Variants in ANO4 observed in about 807,000 individuals in gnomAD.
ANO4 encodes the protein anoctamin 4.
In ANO4, 69 loss-of-function variants were observed where a neutral mutation model predicts 141.9. The observed-to-expected ratio is 0.49, with a 90% CI of 0.40 to 0.59. ANO4 has a LOEUF of 0.59. Ranked by LOEUF, ANO4 falls within the 20% of genes least tolerant of loss-of-function variation. The pLI, the probability that ANO4 is intolerant of heterozygous loss-of-function variation, is 0.00. For missense variants in ANO4, 894 were observed against 1,162.2 expected (o/e 0.77, Z 3.36); for synonymous variants, 350 against 394.3 (o/e 0.89, Z 1.33).
chr12:101,032,942 A>C (rs892743867), intron 9 of ANO4, among the ~76,000 whole-genome samples: 15 of 152,014 alleles, frequency 9.9e-5, no homozygotes, highest in African/African-American at 3.6e-4. Context: ...TAGAAATACC[A>C]TTTGACCCAG....
rs973321827 is a variant in ANO4, at chr12:100,896,712, A to G, written c.-140-4934A>G. Among the ~76,000 whole-genome samples the G allele has an allele frequency of 5.9e-5, 9 of 152,338 alleles. 1 individual carries two copies. Among genetic ancestry groups the G allele is most frequent in the Admixed American group, 1.3e-4 (2 of 15,304 alleles). ...AAAAAAGTAAGGGGAGGTAGCAAGA[A>G]GCTTAAGTGTCATGAAAACGAAAGC... On this transcript the variant is annotated intron_variant, in intron 1 of 27. Transcript: ENST00000392977.
chr12:100,730,086 C>A (rs1484993126), intron 1 of ANO4, among the ~76,000 whole-genome samples: 2 of 152,100 alleles, frequency 1.3e-5, no homozygotes, highest in South Asian at 2.1e-4. Context: ...ATTGACCTGT[C>A]CTATGAAAGT....
intron 3 of ANO4, among the ~76,000 whole-genome samples, chr12:100,758,302 G>A (rs577435356): frequency 1.3e-5 from 2 of 152,312 alleles, no homozygotes; most frequent in South Asian, 4.1e-4. Context: ...TGTAATGCTT[G>A]CCATGTGACT....
upstream of ANO4, chr12:100,717,416 C>T (rs2030647176): frequency 2.6e-6 from 1 of 381,720 alleles, no homozygotes; most frequent in South Asian, 1.3e-4. Context: ...CGCCCGGGCG[C>T]CGCTAGAGCC....
rs1361548750 is a variant in ANO4, at chr12:101,080,881, T to A, written c.1395+1606T>A. 5.6e-5 allele frequency among the ~76,000 whole-genome samples: 5 copies of A among 89,086 alleles called. No individual in the cohort carries two copies. In the East Asian group the frequency reaches 3.6e-3, roughly 63 times the overall value. 58.4% of individuals were successfully genotyped at this position (89,086 alleles called of 152,430 possible). A position where few individuals can be genotyped will look rare whatever the true frequency, so the allele number is the denominator to read the frequency against. On this transcript the variant is annotated intron_variant, in intron 15 of 27. Transcript: ENST00000392977. ...TAGGTTCTAGATATATATATATATATATTATATATATATATATATACATAC... is the reference window on the plus strand; with the variant it reads ...TAGGTTCTAGATATATATATATATAAATTATATATATATATATATACATAC...
intron 2 of ANO4, among the ~76,000 whole-genome samples, chr12:100,919,498 G>C (rs1184252707): frequency 6.6e-6 from 1 of 152,126 alleles, no homozygotes; most frequent in East Asian, 1.9e-4. Flanking sequence ...GTACAGGTTT[G>C]TAGCTTAGGA....
chr12:101,044,042 G>A (rs2047525471), intron 13 of ANO4, among the ~76,000 whole-genome samples: 1 of 152,168 alleles, frequency 6.6e-6, no homozygotes, highest in Admixed American at 6.5e-5. Flanking sequence ...TGAGCATAGT[G>A]CTTGGTAAAT....
intron 11 of ANO4, 101 bp from the exon 12 acceptor site, chr12:101,042,233 C>T: frequency 6.9e-7 from 1 of 1,455,524 alleles, no homozygotes; most frequent in South Asian, 1.3e-5. Context: ...TTGCAGTTTA[C>T]CTCGTAAGGC....
intron 3 of ANO4, among the ~76,000 whole-genome samples, chr12:100,789,358 T>C (rs2033969857): frequency 6.6e-6 from 1 of 152,184 alleles, no homozygotes; most frequent in African/African-American, 2.4e-5. Context: ...ATGACATAAG[T>C]GCTGAGTCAC....
chr12:101,074,944 A>G lies in ANO4; in HGVS notation c.1313-4249A>G, dbSNP rs1404492697. Among the ~76,000 whole-genome samples the G allele has an allele frequency of 2.6e-5, 4 of 152,208 alleles. No individual in the cohort carries two copies. In the East Asian group the frequency reaches 7.7e-4, roughly 29 times the overall value. ...GACTCTGAAGGTATAAAGACAACTA[A>G]GATACAGCTCTGCTCTCAAGAAGTC... is the stretch of plus-strand genomic sequence containing the variant. On this transcript the variant is annotated intron_variant, in intron 14 of 27. Coordinates refer to ENST00000392977, the MANE Select transcript of ANO4 (RefSeq NM_001286615.2).
At chr12:100,794,719 G>C (rs868808512), upstream of ANO4, 2 of 152,212 alleles carry the variant, frequency 1.3e-5, no homozygotes, top group Admixed American at 6.5e-5. Context: ...CACCTGGGGA[G>C]GGGGAGGACC....
intron 8 of ANO4, among the ~76,000 whole-genome samples, chr12:100,995,637 A>C (rs551237920): frequency 3.3e-5 from 5 of 152,360 alleles, no homozygotes; most frequent in Admixed American, 6.5e-5. Flanking sequence ...TGTGTTGTAC[A>C]CAAAATGTTT....
intron 25 of ANO4, 89 bp downstream of exon 25, chr12:101,116,887 G>A (rs2050877302): frequency 3.8e-6 from 6 of 1,562,322 alleles, no homozygotes; most frequent in Non-Finnish European, 5.3e-6. Flanking sequence ...CTGGCTGAGT[G>A]TGTTTAAAGC....
In ANO4 at chr12:101,099,870, G is replaced by T. The variant is rs547195451; in HGVS notation, c.2149+150G>T. 122 of 543,266 alleles carry T rather than the reference G, an allele frequency of 2.2e-4. No homozygotes were observed. In the Middle Eastern group the frequency reaches 2.6e-3, roughly 12 times the overall value. The allele number at this position is 543,266 out of a possible 1,614,324, so 33.7% of individuals were successfully genotyped here. On this transcript the variant is annotated intron_variant, in intron 22 of 27. Transcript: ENST00000392977. ...GGAAGGCATGTCCTGCTTAAACTGT[G>T]CTACACTTACATTTAAGGAATCAGA...
intron 15 of ANO4, among the ~76,000 whole-genome samples, chr12:101,082,531 C>G (rs1405496830): frequency 6.6e-6 from 1 of 152,180 alleles, no homozygotes; most frequent in African/African-American, 2.4e-5. Flanking sequence ...GCAGAAGATT[C>G]TAGGTCTGCT....
intron 3 of ANO4, among the ~76,000 whole-genome samples, chr12:100,756,892 C>T (rs2032637392): frequency 6.6e-6 from 1 of 152,172 alleles, no homozygotes; most frequent in Non-Finnish European, 1.5e-5. Context: ...CCCTATTTCA[C>T]CTGCAATCTG....
At chr12:101,053,005 A>G (rs960771347) in intron 14 of ANO4, among the ~76,000 whole-genome samples, 8 of 152,240 alleles carry the variant, frequency 5.3e-5, no homozygotes, top group Admixed American at 5.2e-4. Flanking sequence ...TGTGTCCACC[A>G]TGTTGTGCAT....
chr12:101,118,589 A>C (rs1215799042), intron 25 of ANO4, among the ~76,000 whole-genome samples: 1 of 152,234 alleles, frequency 6.6e-6, no homozygotes, highest in Non-Finnish European at 1.5e-5. Flanking sequence ...ACCTTCTCAA[A>C]TACATTAATG....
chr12:100,991,513 T>TAAAAA lies in ANO4; in HGVS notation c.734+3860_734+3864dup, dbSNP rs59975425. Among the ~76,000 whole-genome samples, 133 of 111,136 alleles carry TAAAAA rather than the reference T, an allele frequency of 1.2e-3. 1 individual carries two copies. Among genetic ancestry groups the TAAAAA allele is most frequent in the South Asian group, 4.9e-3 (15 of 3,072 alleles). The allele number at this position is 111,136 out of a possible 152,430, so 72.9% of individuals were successfully genotyped here. A position where few individuals can be genotyped will look rare whatever the true frequency, so the allele number is the denominator to read the frequency against. On this transcript the variant is annotated intron_variant, in intron 8 of 27. Transcript: ENST00000392977. ...AGGTGGGAGGAGGGCATGAAAATAG[T>TAAAAA]AAAAAAAAAAAAAAAAAAAAAGAGA...
Sources: allele counts gnomAD v4.1 joint callset (sites outside exome capture counted in the v4.1 genomes callset), GRCh38; gene constraint gnomAD v4.1.1; transcripts MANE v1.5; gene names NCBI Gene and HGNC (gene_info 2026-07-23, HGNC 2026-07-21).